The following XYLB variants were observed in gnomAD, a reference collection of about 807,000 sequenced individuals.
The protein encoded by XYLB is xylulokinase, also known as xylulose kinase.
XYLB carries 62 observed loss-of-function variants against 78.7 expected under a neutral mutation model. The observed-to-expected ratio is 0.79, with a 90% CI of 0.64 to 0.97. The LOEUF is 0.97. Among genes scored for constraint, XYLB ranks in the 50% least tolerant of loss-of-function variants. The probability of loss-of-function intolerance (pLI) is 0.00; values close to 1 mark genes in which losing one functional copy is unlikely to be tolerated. For synonymous variants in XYLB, 245 were observed against 247.4 expected, an observed-to-expected ratio of 0.99 and a Z score of 0.09; for missense variants, 687 against 676.8, an observed-to-expected ratio of 1.02 and a Z score of -0.17.
At chr3:38,440,926 T>G in the XYLB span, among the ~76,000 whole-genome samples, 3 of 151,832 alleles carry the variant, frequency 2.0e-5, no homozygotes, top group Non-Finnish European at 4.4e-5. Flanking sequence ...CCCTCTTTCC[T>G]TCTCTCTTTG....
At chr3:38,350,274 A>G (rs1705291830) in intron 2 of XYLB, among the ~76,000 whole-genome samples, 1 of 152,132 alleles carries the variant, frequency 6.6e-6, no homozygotes, top group African/African-American at 2.4e-5. Flanking sequence ...ATTTTTTATT[A>G]TTGCAGGCCT....
At chr3:38,378,091 T>C (rs169045) in intron 14 of XYLB, among the ~76,000 whole-genome samples, 52,610 of 152,024 alleles carry the variant, frequency 0.35, 10,350 homozygotes, top group South Asian at 0.46. Context: ...ACTGTCAGAG[T>C]TGGCGTTGGA....
At position 38,395,175 on chromosome 3, in the gene XYLB, A is replaced by G. The variant is rs186166039; in HGVS notation, c.1292-330A>G. Among the ~76,000 whole-genome samples the G allele has an allele frequency of 6.6e-5, 10 of 152,320 alleles. No individual in the cohort carries two copies. In the East Asian group the frequency reaches 1.2e-3, roughly 18 times the overall value. ...CCAGTCTGAAAGAAAGTGCTTCTAAATCTCTGTTAAGAATGACATTTGTTA... is the reference window on the plus strand; with the variant it reads ...CCAGTCTGAAAGAAAGTGCTTCTAAGTCTCTGTTAAGAATGACATTTGTTA... On this transcript the variant is annotated intron_variant, in intron 15 of 18. Coordinates refer to ENST00000207870, the MANE Select transcript of XYLB (RefSeq NM_005108.4).
intron 10 of XYLB, among the ~76,000 whole-genome samples, chr3:38,373,886 G>T (rs571077732): frequency 4.4e-4 from 67 of 152,302 alleles, no homozygotes; most frequent in African/African-American, 1.6e-3. Context: ...ATGTGTGGTA[G>T]TGTGCACCTG....
At chr3:38,409,882 G>T (rs1417877050) in intron 18 of XYLB, among the ~76,000 whole-genome samples, 3 of 152,196 alleles carry the variant, frequency 2.0e-5, no homozygotes, top group Non-Finnish European at 2.9e-5. Flanking sequence ...TGAAATAAAA[G>T]AGGTTACAAA....
intron 12 of XYLB, 42 bp downstream of exon 12, chr3:38,375,301 G>T (rs374597786): frequency 3.8e-6 from 6 of 1,559,584 alleles, no homozygotes; most frequent in African/African-American, 1.4e-5. Flanking sequence ...TGGGTGAGGA[G>T]GTGTGGGCAG....
At chr3:38,398,726 T>TA (rs1203957586) in intron 17 of XYLB, among the ~76,000 whole-genome samples, 1 of 141,690 alleles carries the variant, frequency 7.1e-6, no homozygotes, top group Non-Finnish European at 1.6e-5. Flanking sequence ...TTTTTTTTTT[T>TA]AACTTCCTGA....
intron 15 of XYLB, among the ~76,000 whole-genome samples, chr3:38,381,893 G>A (rs1707163640): frequency 6.6e-6 from 1 of 152,198 alleles, no homozygotes; most frequent in South Asian, 2.1e-4. Flanking sequence ...CACTTGCCTT[G>A]TGATATTCTA....
rs1252244689 is a variant in XYLB at position 38,413,852 on chromosome 3, C to G, written c.*839C>G. ...ATTCCCTCTCTCTTCTTGCAGTCCA[C>G]TTGCTGAAGAAGTTGTGTCATTTCT... On this transcript the variant is annotated 3_prime_UTR_variant, in exon 19 of 19. Coordinates refer to ENST00000207870, the MANE Select transcript of XYLB (RefSeq NM_005108.4). The G allele has an allele frequency of 6.6e-6, 1 of 152,196 alleles. No individual in the cohort carries two copies. Among genetic ancestry groups the G allele is most frequent in the African/African-American group, 2.4e-5 (1 of 41,444 alleles). The allele number at this position is 152,196 out of a possible 1,614,324, so 9.4% of individuals were successfully genotyped here. A position where few individuals can be genotyped will look rare whatever the true frequency, so the allele number is the denominator to read the frequency against.
chr3:38,416,883 TTCTC>T (rs1031459077), downstream of XYLB, among the ~76,000 whole-genome samples: 7 of 152,222 alleles, frequency 4.6e-5, no homozygotes, highest in Non-Finnish European at 7.3e-5. Flanking sequence ...ACTTTCCTCT[TTCTC>T]TCTCCCTCCT....
downstream of XYLB, among the ~76,000 whole-genome samples, chr3:38,424,060 T>C (rs1709053810): frequency 6.6e-6 from 1 of 152,178 alleles, no homozygotes; most frequent in Non-Finnish European, 1.5e-5. Flanking sequence ...GAGATCCCAG[T>C]CTCACAAACC....
chr3:38,354,064 A>ATGTT (rs924695988), intron 2 of XYLB, among the ~76,000 whole-genome samples: 9 of 151,432 alleles, frequency 5.9e-5, no homozygotes, highest in Non-Finnish European at 1.0e-4. Flanking sequence ...GCTCTGTAAT[A>ATGTT]TGTTTGTTTG....
intron 8 of XYLB, among the ~76,000 whole-genome samples, chr3:38,369,777 C>A (rs1397174892): frequency 6.6e-6 from 1 of 152,146 alleles, no homozygotes; most frequent in Non-Finnish European, 1.5e-5. Flanking sequence ...TAGTTCCAGG[C>A]CCCCTGGGAG....
intron 2 of XYLB, chr3:38,355,633 T>A: frequency 1.5e-6 from 1 of 677,852 alleles, no homozygotes; most frequent in South Asian, 1.6e-5. Flanking sequence ...TGTGACTGAG[T>A]TCTAGCCAGT....
chr3:38,408,182 G>A (rs1216647716), intron 18 of XYLB, among the ~76,000 whole-genome samples: 3 of 152,010 alleles, frequency 2.0e-5, no homozygotes, highest in East Asian at 1.9e-4. Flanking sequence ...ATAACAAACT[G>A]TCTCTCAGAC....
chr3:38,385,401 A>G (rs558441370), intron 15 of XYLB, among the ~76,000 whole-genome samples: 8 of 152,106 alleles, frequency 5.3e-5, no homozygotes, highest in Middle Eastern at 3.4e-3. Context: ...CAATGTTAAT[A>G]TTTTGTTTTG....
chr3:38,417,455 CAG>C (rs1240566158), downstream of XYLB, among the ~76,000 whole-genome samples: 27 of 152,134 alleles, frequency 1.8e-4, no homozygotes, highest in Admixed American at 1.8e-3. Flanking sequence ...AGACTCCAAT[CAG>C]ACACATAAAA....
the XYLB span, among the ~76,000 whole-genome samples, chr3:38,441,947 CT>C: frequency 6.6e-6 from 1 of 152,128 alleles, no homozygotes; most frequent in East Asian, 1.9e-4. Flanking sequence ...GTACTAGGGC[CT>C]GCTTTAAGGT....
chr3:38,348,527 TC>T, intron 1 of XYLB, 22 bp from the exon 2 acceptor site: 1 of 1,613,556 alleles, frequency 6.2e-7, no homozygotes, highest in South Asian at 1.1e-5. Context: ...ATTCTACACT[TC>T]CTTTTTTAAA....
Sources: gnomAD v4.1 joint callset for allele counts (sites outside exome capture counted in the v4.1 genomes callset) on GRCh38, gnomAD v4.1.1 for gene constraint, MANE v1.5 for transcripts, NCBI Gene and HGNC (gene_info 2026-07-23, HGNC 2026-07-21) for gene names.